Variants in SMIM36 observed in about 807,000 individuals in gnomAD.
The protein encoded by SMIM36 is small integral membrane protein 36.
chr17:55,509,293 T>A (rs552101783), intron 1 of SMIM36, among the ~76,000 whole-genome samples: 2 of 152,326 alleles, frequency 1.3e-5, no homozygotes, highest in East Asian at 3.9e-4. Context: ...ACCAATGGAC[T>A]CTAATTATTT....
chr17:55,495,444 C>T (rs1201491776), intron 1 of SMIM36, among the ~76,000 whole-genome samples: 3 of 152,132 alleles, frequency 2.0e-5, no homozygotes, highest in African/African-American at 4.8e-5. Flanking sequence ...TGTTTGGATT[C>T]GTTCATGAGA....
At chr17:55,516,600 C>T in the SMIM36 span, among the ~76,000 whole-genome samples, 1 of 144,762 alleles carries the variant, frequency 6.9e-6, no homozygotes, top group Non-Finnish European at 1.5e-5. Flanking sequence ...ACTCTGTCAC[C>T]CAGGCTGGAG....
upstream of SMIM36, among the ~76,000 whole-genome samples, chr17:55,512,869 C>G (rs1450135329): frequency 6.6e-6 from 1 of 152,188 alleles, no homozygotes; most frequent in African/African-American, 2.4e-5. Flanking sequence ...CTGCTGGTTT[C>G]TTAGTGTTAA....
intron 1 of SMIM36, among the ~76,000 whole-genome samples, chr17:55,498,051 G>A (rs917574644): frequency 8.5e-5 from 13 of 152,164 alleles, no homozygotes; most frequent in African/African-American, 2.7e-4. Flanking sequence ...CCTTTTGAAG[G>A]TACCACGGAA....
At chr17:55,459,646 T>G (rs1455692901) in intron 4 of SMIM36, among the ~76,000 whole-genome samples, 1 of 152,242 alleles carries the variant, frequency 6.6e-6, no homozygotes, top group Non-Finnish European at 1.5e-5. Context: ...TAAGGAACTA[T>G]GTCCTTTAAA....
At chr17:55,498,826 C>T (rs933917922) in intron 1 of SMIM36, among the ~76,000 whole-genome samples, 2 of 151,666 alleles carry the variant, frequency 1.3e-5, no homozygotes, top group African/African-American at 2.4e-5. Flanking sequence ...TGACAAAACC[C>T]CGTCTCTACT....
intron 4 of SMIM36, among the ~76,000 whole-genome samples, chr17:55,451,192 GCTT>G (rs1348106824): frequency 1.3e-5 from 2 of 152,022 alleles, no homozygotes; most frequent in Non-Finnish European, 2.9e-5. Flanking sequence ...GCCCCTAATG[GCTT>G]CTTATCATCC....
chr17:55,475,538 C>T (rs556991930), intron 3 of SMIM36, among the ~76,000 whole-genome samples: 1 of 152,246 alleles, frequency 6.6e-6, no homozygotes, highest in African/African-American at 2.4e-5. Context: ...ATCTCCAAGG[C>T]CTTGACTTAC....
intron 4 of SMIM36, among the ~76,000 whole-genome samples, chr17:55,464,724 G>A (rs929919926): frequency 6.6e-6 from 1 of 152,156 alleles, no homozygotes; most frequent in African/African-American, 2.4e-5. Context: ...AGTTGAAAAA[G>A]GATTGGGCCT....
intron 2 of SMIM36, 68 bp from the exon 3 acceptor site, chr17:55,478,881 G>A (rs1234069410): frequency 6.6e-6 from 1 of 152,152 alleles, no homozygotes; most frequent in East Asian, 1.9e-4. Context: ...ACCTAGATCT[G>A]TCATATTGGT....
intron 1 of SMIM36, among the ~76,000 whole-genome samples, chr17:55,480,609 G>A (rs543808789): frequency 9.2e-5 from 14 of 152,274 alleles, no homozygotes; most frequent in African/African-American, 2.2e-4. Flanking sequence ...AATGTAGTGC[G>A]GAAGTGCAGG....
the SMIM36 span, among the ~76,000 whole-genome samples, chr17:55,529,539 G>A: frequency 7.9e-5 from 12 of 152,044 alleles, no homozygotes; most frequent in South Asian, 1.2e-3. Flanking sequence ...AGGCTGAGGC[G>A]GGCAGATCAC....
At chr17:55,471,921 A>G (rs1374660082) in intron 3 of SMIM36, among the ~76,000 whole-genome samples, 2 of 152,286 alleles carry the variant, frequency 1.3e-5, no homozygotes, top group East Asian at 3.9e-4. Flanking sequence ...GCTATGCTCC[A>G]CTTACCCTCT....
intron 3 of SMIM36, chr17:55,467,928 T>A (rs1386456777): frequency 6.6e-6 from 1 of 152,198 alleles, no homozygotes; most frequent in African/African-American, 2.4e-5. Flanking sequence ...CAATTGACCT[T>A]GTGACACTCC....
chr17:55,460,444 A>AC (rs1170566158), intron 4 of SMIM36, among the ~76,000 whole-genome samples: 3 of 91,274 alleles, frequency 3.3e-5, no homozygotes, highest in African/African-American at 9.2e-5. Context: ...AAAAAACAAA[A>AC]AACAAAACAA....
upstream of SMIM36, among the ~76,000 whole-genome samples, chr17:55,515,084 GTGT>G (rs1284723540): frequency 0.02 from 1,149 of 56,092 alleles, 196 homozygotes; most frequent in Non-Finnish European, 0.049. Flanking sequence ...TTCTAGTCTA[GTGT>G]TTTTTTTTTT....
chr17:55,476,567 AT>A (rs71159295), intron 3 of SMIM36, among the ~76,000 whole-genome samples: 56,862 of 149,580 alleles, frequency 0.38, 10,851 homozygotes, highest in Middle Eastern at 0.47. Flanking sequence ...GATGGTCACT[AT>A]TTTTTTTTTT....
chr17:55,455,186 G>A (rs1718859342), intron 4 of SMIM36, among the ~76,000 whole-genome samples: 1 of 152,180 alleles, frequency 6.6e-6, no homozygotes, highest in Non-Finnish European at 1.5e-5. Flanking sequence ...GTAAGTGCAA[G>A]CATTTAAAGA....
intron 4 of SMIM36, among the ~76,000 whole-genome samples, chr17:55,466,740 C>T (rs1483528041): frequency 1.3e-5 from 2 of 152,164 alleles, no homozygotes; most frequent in Non-Finnish European, 2.9e-5. Flanking sequence ...GTATAGGAAG[C>T]ACCCCGGGTC....
Sources: gnomAD v4.1 joint callset for allele counts (sites outside exome capture counted in the v4.1 genomes callset) on GRCh38, gnomAD v4.1.1 for gene constraint, MANE v1.5 for transcripts, NCBI Gene and HGNC (gene_info 2026-07-23, HGNC 2026-07-21) for gene names.